DCDC1: variants seen among roughly 807,000 people sequenced by gnomAD.
The protein encoded by DCDC1 is doublecortin domain-containing protein 1.
In DCDC1, 200 loss-of-function variants were observed where a neutral mutation model predicts 178.3. That is an observed-to-expected ratio of 1.12 (90% CI 1.00 to 1.26). DCDC1 has a LOEUF of 1.26. Ranked by LOEUF, DCDC1 falls within the 50% of genes most tolerant of loss-of-function variation. The pLI, the probability that DCDC1 is intolerant of heterozygous loss-of-function variation, is 0.00. For synonymous variants in DCDC1, 690 were observed against 604.8 expected, an observed-to-expected ratio of 1.14 and a Z score of -2.07; for missense variants, 1,983 against 1,749.2, an observed-to-expected ratio of 1.13 and a Z score of -2.38.
chr11:31,290,763 G>C lies in DCDC1; in HGVS notation c.844C>G (p.Leu282Val). ...DIKRRKTKPV[L>V]SIRMKKLTER... ...GTAAGTTTCTTCATTCTAATAGAAAGAACAGGCTTGGTTTTCCGTCTTTTG... is the reference window on the plus strand; with the variant it reads ...GTAAGTTTCTTCATTCTAATAGAAACAACAGGCTTGGTTTTCCGTCTTTTG... Residue 282 changes from leucine (L) to valine (V), a missense_variant, in exon 7 of 39, where the codon CTT becomes GTT. Leu to Val is a conservative substitution (Grantham distance 32). Transcript: ENST00000684477. 6.2e-7 allele frequency: 1 copy of C among 1,613,438 alleles called. No homozygotes were observed. Among genetic ancestry groups the C allele is most frequent in the South Asian group, 1.1e-5 (1 of 91,042 alleles).
intron 21 of DCDC1, among the ~76,000 whole-genome samples, chr11:30,935,617 A>G (rs111607635): frequency 0.027 from 4,107 of 151,596 alleles, 183 homozygotes; most frequent in African/African-American, 0.093. Context: ...ACAATGGTGC[A>G]ATCTCAGCTC....
chr11:31,239,853 T>TA (rs1976903900), intron 9 of DCDC1, among the ~76,000 whole-genome samples: 1 of 151,888 alleles, frequency 6.6e-6, no homozygotes, highest in Non-Finnish European at 1.5e-5. Flanking sequence ...ATTCTGAAAG[T>TA]ATTTTTTTCT....
intron 20 of DCDC1, among the ~76,000 whole-genome samples, chr11:31,004,879 A>G (rs1221364733): frequency 6.6e-6 from 1 of 152,026 alleles, no homozygotes; most frequent in Non-Finnish European, 1.5e-5. Context: ...AATAGATAAA[A>G]TGTCTAAGTG....
Position 30,865,129 on chromosome 11 carries a change from T to C in DCDC1, c.*244A>G, listed in dbSNP as rs981213069. ...TTAGAGTTGCATTCTCAGACTAATA[T>C]CTTTACAGTCTTGAGAAATCACTGT... On this transcript the variant is annotated 3_prime_UTR_variant, in exon 39 of 39. Coordinates refer to ENST00000684477, the MANE Select transcript of DCDC1 (RefSeq NM_001387274.1). 1.3e-5 allele frequency: 2 copies of C among 152,142 alleles called. No homozygotes were observed. The highest frequency in any genetic ancestry group is 2.9e-5 in the Non-Finnish European group (2 of 68,032). 9.4% of individuals were successfully genotyped at this position (152,142 alleles called of 1,614,324 possible). A position where few individuals can be genotyped will look rare whatever the true frequency, so the allele number is the denominator to read the frequency against.
chr11:30,982,975 T>A (rs1590654112), intron 20 of DCDC1, among the ~76,000 whole-genome samples: 1 of 152,140 alleles, frequency 6.6e-6, no homozygotes, highest in Non-Finnish European at 1.5e-5. Context: ...ACCTGAATCA[T>A]CCGGATCATC....
intron 36 of DCDC1, among the ~76,000 whole-genome samples, 153 bp from the exon 37 acceptor site, chr11:30,881,461 G>A (rs1413352245): frequency 6.6e-6 from 1 of 152,164 alleles, no homozygotes; most frequent in African/African-American, 2.4e-5. Context: ...ATGGGAAGAA[G>A]GGCATGCAAA....
chr11:31,006,207 TC>T (rs1329876375), intron 20 of DCDC1, among the ~76,000 whole-genome samples: 1 of 152,148 alleles, frequency 6.6e-6, no homozygotes, highest in Non-Finnish European at 1.5e-5. Context: ...TTTGAAACTC[TC>T]TCTGTAATTA....
chr11:31,313,364 T>C (rs888456851), intron 3 of DCDC1, among the ~76,000 whole-genome samples: 1 of 152,150 alleles, frequency 6.6e-6, no homozygotes, highest in South Asian at 2.1e-4. Flanking sequence ...ATTATATCTG[T>C]TTATTGTTGC....
At chr11:31,032,285 C>T (rs1255401718) in intron 20 of DCDC1, among the ~76,000 whole-genome samples, 1 of 152,066 alleles carries the variant, frequency 6.6e-6, no homozygotes, top group Non-Finnish European at 1.5e-5. Context: ...AACAAGTGAA[C>T]AATTAGTTTC....
intron 1 of DCDC1, among the ~76,000 whole-genome samples, chr11:31,348,552 A>G (rs1300246337): frequency 1.3e-5 from 2 of 152,142 alleles, no homozygotes; most frequent in Non-Finnish European, 2.9e-5. Flanking sequence ...GCCACTCAAC[A>G]TGCCCTCACC....
intron 20 of DCDC1, among the ~76,000 whole-genome samples, chr11:30,969,718 T>C (rs1949673764): frequency 6.6e-6 from 1 of 152,254 alleles, no homozygotes; most frequent in Admixed American, 6.5e-5. Context: ...CTAGACTTTT[T>C]TACTACAGAT....
intron 31 of DCDC1, chr11:30,904,078 C>T (rs1461896423): frequency 6.5e-6 from 1 of 153,292 alleles, no homozygotes; most frequent in Admixed American, 6.5e-5. Flanking sequence ...AAGTAGTTAA[C>T]CTTCAAACCA....
intron 7 of DCDC1, among the ~76,000 whole-genome samples, chr11:31,274,708 T>C (rs1260567445): frequency 6.6e-6 from 1 of 151,348 alleles, no homozygotes; most frequent in Non-Finnish European, 1.5e-5. Flanking sequence ...TCTTTTTTTT[T>C]TTTTTTTTCC....
intron 9 of DCDC1, among the ~76,000 whole-genome samples, chr11:31,194,315 A>T (rs1358262119): frequency 6.6e-6 from 1 of 152,096 alleles, no homozygotes; most frequent in Non-Finnish European, 1.5e-5. Flanking sequence ...TCTCCATACC[A>T]AAATTTCTGA....
intron 20 of DCDC1, among the ~76,000 whole-genome samples, chr11:31,037,520 C>A (rs1019581004): frequency 4.0e-5 from 6 of 151,544 alleles, no homozygotes; most frequent in Admixed American, 2.6e-4. Flanking sequence ...GCAAGCTCCG[C>A]CTCCCGGGAT....
At chr11:31,354,725 A>T in intron 1 of DCDC1, among the ~76,000 whole-genome samples, 1 of 152,190 alleles carries the variant, frequency 6.6e-6, no homozygotes, top group East Asian at 1.9e-4. Flanking sequence ...TTAGGAAGAA[A>T]GGAATTTAAA....
chr11:31,321,640 A>T (rs1949365939), intron 3 of DCDC1, among the ~76,000 whole-genome samples: 1 of 152,158 alleles, frequency 6.6e-6, no homozygotes, highest in South Asian at 2.1e-4. Flanking sequence ...TGGGAGCTGT[A>T]GACCGGAGCT....
intron 35 of DCDC1, among the ~76,000 whole-genome samples, chr11:30,893,853 T>C (rs1943989912): frequency 6.6e-6 from 1 of 152,228 alleles, no homozygotes; most frequent in South Asian, 2.1e-4. Flanking sequence ...ATTCTTCACT[T>C]CTGAATGTCT....
chr11:30,997,192 A>G (rs1294774215), intron 20 of DCDC1, among the ~76,000 whole-genome samples: 3 of 152,194 alleles, frequency 2.0e-5, no homozygotes, highest in Admixed American at 1.3e-4. Flanking sequence ...GAGGATAGAG[A>G]TTGATTACAA....
Sources: allele counts gnomAD v4.1 joint callset (sites outside exome capture counted in the v4.1 genomes callset), GRCh38; gene constraint gnomAD v4.1.1; transcripts MANE v1.5; gene names NCBI Gene and HGNC (gene_info 2026-07-23, HGNC 2026-07-21).